Variants in MYO1F observed in about 807,000 individuals in gnomAD.
MYO1F encodes unconventional myosin-If.
In MYO1F, 60 loss-of-function variants were observed where a neutral mutation model predicts 146.6. The ratio of observed to expected loss-of-function variants is 0.41; its 90% confidence interval spans 0.33 to 0.51. MYO1F has a LOEUF of 0.51. Among genes scored for constraint, MYO1F ranks in the 20% least tolerant of loss-of-function variants. The pLI is 0.25. For missense variants in MYO1F, 1,274 were observed against 1,534.3 expected, an observed-to-expected ratio of 0.83 and a Z score of 2.83; for synonymous variants, 602 against 602.1, an observed-to-expected ratio of 1.00 and a Z score of 0.00.
chr19:8,541,569 C>T (rs966352565), intron 15 of MYO1F, among the ~76,000 whole-genome samples: 3 of 151,084 alleles, frequency 2.0e-5, no homozygotes, highest in East Asian at 2.0e-4. Context: ...GCTGGAATTA[C>T]AGGTGCGCGC....
rs140428641 is a variant in MYO1F, at chr19:8,537,074, C to CCG, written c.1693-20_1693-19insCG. ...CTTGTTTCTGAGGCAGAAGTGAAGA[C>CCG]GGGTGGGTGGGGGGCACAGAGATGG... On this transcript the variant is annotated intron_variant, in intron 16 of 27. Transcript: ENST00000644032. 1 of 1,518,846 alleles carries CCG rather than the reference C, an allele frequency of 6.6e-7. No individual in the cohort carries two copies. The highest frequency in any genetic ancestry group is 9.0e-7 in the Non-Finnish European group (1 of 1,110,234). 94.1% of individuals were successfully genotyped at this position (1,518,846 alleles called of 1,614,324 possible).
chr19:8,563,749 C>T (rs1328155361), intron 1 of MYO1F, among the ~76,000 whole-genome samples: 2 of 151,646 alleles, frequency 1.3e-5, no homozygotes, highest in East Asian at 2.0e-4. Flanking sequence ...TGACCTCAGG[C>T]GATCCCCCTG....
At chr19:8,544,489 G>T (rs980413673) in intron 13 of MYO1F, 25 bp from the exon 14 acceptor site, 26 of 1,599,714 alleles carry the variant, frequency 1.6e-5, no homozygotes, top group Non-Finnish European at 2.2e-5. Flanking sequence ...GGAGCCAGCA[G>T]CGGCTCAGTT....
intron 8 of MYO1F, chr19:8,551,500 C>G (rs1300831593): frequency 1.9e-6 from 1 of 517,354 alleles, no homozygotes; most frequent in Non-Finnish European, 3.5e-6. Context: ...TACAGTCACA[C>G]GCCACCACAT....
At chr19:8,550,883 T>G (rs959246424) in intron 8 of MYO1F, among the ~76,000 whole-genome samples, 189 bp from the exon 9 acceptor site, 2 of 152,070 alleles carry the variant, frequency 1.3e-5, no homozygotes, top group African/African-American at 2.4e-5. Flanking sequence ...TGTTTTTTAT[T>G]ATATTTTTTA....
rs767149287 is a variant in MYO1F, at chr19:8,530,383, G to A, written c.2159-18C>T. The A allele has an allele frequency of 3.1e-6, 5 of 1,614,032 alleles. No individual in the cohort carries two copies. The highest frequency in any genetic ancestry group is 1.3e-5 in the African/African-American group (1 of 75,032). ...GTTGGAAGCTGCGGGGACAGAGGGT[G>A]GAGGGCAGAGCTCCTGATACAGCTC... On this transcript the variant is annotated intron_variant, in intron 20 of 27. Coordinates refer to ENST00000644032, the MANE Select transcript of MYO1F (RefSeq NM_012335.4). The surrounding 1 kb of genome is among the most constrained non-coding windows in gnomAD (Gnocchi z 5.8).
intron 9 of MYO1F, 101 bp from the exon 10 acceptor site, chr19:8,550,457 C>G: frequency 6.2e-7 from 1 of 1,601,546 alleles, no homozygotes; most frequent in Non-Finnish European, 8.5e-7. Context: ...GTGACACCCA[C>G]ATTTTTTTCC....
chr19:8,534,488 G>A (rs1476878801), intron 19 of MYO1F, among the ~76,000 whole-genome samples: 2 of 151,058 alleles, frequency 1.3e-5, no homozygotes, highest in Non-Finnish European at 2.9e-5. Flanking sequence ...TGTATTTTTA[G>A]TAGAGATGGG....
intron 25 of MYO1F, 44 bp from the exon 26 acceptor site, chr19:8,522,873 A>G (rs1207668321): frequency 6.6e-7 from 1 of 1,512,792 alleles, no homozygotes; most frequent in East Asian, 2.5e-5. Flanking sequence ...GGGTGATGCT[A>G]GGAGGATTTG....
chr19:8,534,165 C>G (rs139400871), intron 19 of MYO1F, among the ~76,000 whole-genome samples: 5 of 144,198 alleles, frequency 3.5e-5, no homozygotes, highest in African/African-American at 5.2e-5. Context: ...GGTGACAGAG[C>G]GAGACTCTGT....
At position 8,530,267 on chromosome 19, in the gene MYO1F, G is replaced by T. The variant is rs377604689; in HGVS notation, c.2257C>A (p.Arg753Ser). 2.5e-6 allele frequency: 4 copies of T among 1,613,988 alleles called. No homozygotes were observed. In the African/African-American group the frequency reaches 5.3e-5, roughly 22 times the overall value. Residue 753 changes from arginine to serine, a missense_variant, in exon 21 of 28, where the codon CGT becomes AGT. By Grantham distance (110) the Arg-to-Ser change is moderately radical. Around this residue, in one of 2 missense-constraint regions of MYO1F, gnomAD observed 900 missense variants for 1,155.1 expected, o/e 0.78. Coordinates refer to ENST00000644032, the MANE Select transcript of MYO1F (RefSeq NM_012335.4). The surrounding 1 kb of genome is among the most constrained non-coding windows in gnomAD (Gnocchi z 5.8). ...CGCTCCCTCTTGCCCAGGAACTGAC[G>T]CAGCTCGGGCCGCTCCTCCAGCCCC... ...YLGLEERPELRQFLGKRERVD... is the reference protein window; with the variant it reads ...YLGLEERPELSQFLGKRERVD...
rs1972874070 is a variant in MYO1F at position 8,539,640 on chromosome 19, T to A, written c.1692+307A>T. Reference sequence around the variant, plus strand: ...TATTATTAAGATGATAAATTTTATGTCATGTATATTTTACCACAAATTTAA... The same window carrying A: ...TATTATTAAGATGATAAATTTTATGACATGTATATTTTACCACAAATTTAA... On this transcript the variant is annotated intron_variant, in intron 16 of 27. Coordinates refer to ENST00000644032, the MANE Select transcript of MYO1F (RefSeq NM_012335.4). Among the ~76,000 whole-genome samples the A allele has an allele frequency of 1.3e-5, 2 of 151,984 alleles. 1 individual carries two copies. The highest frequency in any genetic ancestry group is 1.3e-4 in the Admixed American group (2 of 15,246).
At chr19:8,546,700 G>A (rs540202839) in intron 12 of MYO1F, among the ~76,000 whole-genome samples, 1 of 151,582 alleles carries the variant, frequency 6.6e-6, no homozygotes, top group South Asian at 2.1e-4. Context: ...TTTTGAGACA[G>A]GGTCTCATTC....
At position 8,522,338 on chromosome 19, in the gene MYO1F, C is replaced by A. The variant is rs1017366428; in HGVS notation, c.3220+39G>T. Reference sequence around the variant, plus strand: ...CGCCCGGCCGATGTCAGGGTTCTTACCACTCCCCTCACCCCAGCTTCTGCC... The same window carrying A: ...CGCCCGGCCGATGTCAGGGTTCTTAACACTCCCCTCACCCCAGCTTCTGCC... On this transcript the variant is annotated intron_variant, in intron 27 of 27. Transcript: ENST00000644032. The A allele has an allele frequency of 1.9e-6, 3 of 1,612,828 alleles. No individual in the cohort carries two copies. The African/African-American group carries it at 4.0e-5, about 22-fold the overall frequency.
chr19:8,558,149 TCA>T (rs1196797660), intron 1 of MYO1F, among the ~76,000 whole-genome samples: 3 of 151,836 alleles, frequency 2.0e-5, no homozygotes, highest in Admixed American at 1.3e-4. Flanking sequence ...ATTTCCTCTC[TCA>T]GTTTTTCTTT....
chr19:8,550,195 C>T lies in MYO1F; in HGVS notation c.1066G>A (p.Gly356Arg). 1 of 1,614,158 alleles carries T rather than the reference C, an allele frequency of 6.2e-7. No homozygotes were observed. The highest frequency in any genetic ancestry group is 8.5e-7 in the Non-Finnish European group (1 of 1,180,040). Reference protein sequence around the residue: ...AAYTRDALAKGLYARLFDFLV... With the variant: ...AAYTRDALAKRLYARLFDFLV... ...AAGTCGAAGAGGCGGGCATAGAGCC[C>T]CTTGGCCAGGGCATCACGGGTGTAG... Residue 356 changes from glycine (G) to arginine (R), a missense_variant, in exon 10 of 28, where the codon GGG becomes AGG. By Grantham distance (125) the Gly-to-Arg change is moderately radical. Transcript: ENST00000644032.
chr19:8,527,233 A>T, intron 22 of MYO1F, 105 bp downstream of exon 22: 1 of 1,488,510 alleles, frequency 6.7e-7, no homozygotes, highest in South Asian at 1.2e-5. Flanking sequence ...GGCTACAGGC[A>T]TGGCACCAGG....
chr19:8,553,544 G>A (rs1400991610), intron 4 of MYO1F, 107 bp from the exon 5 acceptor site: 1 of 888,904 alleles, frequency 1.1e-6, no homozygotes, highest in African/African-American at 1.6e-5. Flanking sequence ...AGTATTCCGG[G>A]TACTGGGGAT....
At chr19:8,531,065 C>T (rs960927619) in intron 19 of MYO1F, among the ~76,000 whole-genome samples, 2 of 148,890 alleles carry the variant, frequency 1.3e-5, no homozygotes, top group Admixed American at 1.3e-4. Flanking sequence ...AAAACAAAAA[C>T]AAAAAAAGCT....
Sources: gnomAD v4.1 joint callset for allele counts (sites outside exome capture counted in the v4.1 genomes callset) on GRCh38, gnomAD v4.1.1 for gene constraint, gnomAD v4.1.1 regional missense constraint, Gnocchi (gnomAD v3.1) non-coding constraint, MANE v1.5 for transcripts, NCBI Gene and HGNC (gene_info 2026-07-23, HGNC 2026-07-21) for gene names.